Variants in TACR1 observed in about 807,000 individuals in gnomAD.
TACR1 encodes substance-P receptor.
Under a neutral mutation model 35.8 loss-of-function variants are expected in TACR1, and 25 were observed. That is an observed-to-expected ratio of 0.70 (90% CI 0.51 to 0.98). The LOEUF is 0.98. TACR1 is among the 50% of genes least tolerant of loss of function. The probability of loss-of-function intolerance (pLI) is 0.00; values close to 1 mark genes in which losing one functional copy is unlikely to be tolerated. For missense variants in TACR1, 478 were observed against 522.9 expected, an observed-to-expected ratio of 0.91 and a Z score of 0.84; for synonymous variants, 195 against 206.7, an observed-to-expected ratio of 0.94 and a Z score of 0.48.
intron 1 of TACR1, among the ~76,000 whole-genome samples, chr2:75,150,765 G>A (rs1674652001): frequency 6.6e-6 from 1 of 152,220 alleles, no homozygotes; most frequent in Admixed American, 6.5e-5. Context: ...GATTGGAATA[G>A]TTTGGGAGGG....
chr2:75,097,075 C>T (rs1432791698), intron 2 of TACR1, among the ~76,000 whole-genome samples: 1 of 152,208 alleles, frequency 6.6e-6, no homozygotes, highest in Non-Finnish European at 1.5e-5. Context: ...TATTATTTTT[C>T]TCTCCTCTTT....
At chr2:75,159,438 G>C (rs1002120638) in intron 1 of TACR1, among the ~76,000 whole-genome samples, 1 of 152,034 alleles carries the variant, frequency 6.6e-6, no homozygotes, top group South Asian at 2.1e-4. Flanking sequence ...AAAAAACAAA[G>C]AGAAACTAGT....
At chr2:75,173,929 G>C (rs975305476) in intron 1 of TACR1, among the ~76,000 whole-genome samples, 1 of 152,166 alleles carries the variant, frequency 6.6e-6, no homozygotes, top group Non-Finnish European at 1.5e-5. Context: ...CCTTCCCAGA[G>C]GACAGACAGC....
chr2:75,069,978 C>A (rs931104008), intron 2 of TACR1, among the ~76,000 whole-genome samples: 1 of 151,916 alleles, frequency 6.6e-6, no homozygotes, highest in Non-Finnish European at 1.5e-5. Context: ...GATGAGGAGT[C>A]ATGCTCCTCC....
intron 1 of TACR1, among the ~76,000 whole-genome samples, chr2:75,182,270 A>C (rs536018521): frequency 6.6e-6 from 1 of 152,156 alleles, no homozygotes; most frequent in Non-Finnish European, 1.5e-5. Context: ...CATTGCCCCA[A>C]AATTTCTCTC....
At chr2:75,066,103 G>A (rs561288417) in intron 2 of TACR1, among the ~76,000 whole-genome samples, 7 of 152,226 alleles carry the variant, frequency 4.6e-5, no homozygotes, top group East Asian at 3.9e-4. Flanking sequence ...AATAGCTATC[G>A]GCTTAGAAGA....
chr2:75,090,529 C>G (rs1201623160), intron 2 of TACR1, among the ~76,000 whole-genome samples: 1 of 152,184 alleles, frequency 6.6e-6, no homozygotes, highest in Non-Finnish European at 1.5e-5. Flanking sequence ...GATCCCAAGT[C>G]TTTAGACAAA....
At chr2:75,131,184 G>T (rs1485492849) in intron 1 of TACR1, among the ~76,000 whole-genome samples, 2 of 151,980 alleles carry the variant, frequency 1.3e-5, no homozygotes, top group East Asian at 3.9e-4. Context: ...CGCCTCCTGG[G>T]TTCACGTCAT....
chr2:75,126,505 AGACTT>A (rs1674075279), intron 1 of TACR1, among the ~76,000 whole-genome samples: 1 of 152,214 alleles, frequency 6.6e-6, no homozygotes, highest in Non-Finnish European at 1.5e-5. Flanking sequence ...CAAGGAATAA[AGACTT>A]GAATGTGAAA....
intron 1 of TACR1, among the ~76,000 whole-genome samples, chr2:75,158,879 TGTGCAGCTTCCAGCAA>T (rs1674933172): frequency 6.6e-6 from 1 of 152,214 alleles, no homozygotes; most frequent in Non-Finnish European, 1.5e-5. Context: ...ACCAACCAGC[TGTGCAGCTTCCAGCAA>T]GTTATCTCAA....
intron 2 of TACR1, among the ~76,000 whole-genome samples, chr2:75,088,544 ACT>A (rs986083122): frequency 2.0e-5 from 3 of 152,074 alleles, no homozygotes; most frequent in African/African-American, 4.8e-5. Flanking sequence ...AGGGTTAGAG[ACT>A]CAATAAATAT....
intron 2 of TACR1, among the ~76,000 whole-genome samples, chr2:75,114,440 A>G (rs1673811740): frequency 6.6e-6 from 1 of 152,162 alleles, no homozygotes; most frequent in South Asian, 2.1e-4. Flanking sequence ...TCTCTGATGA[A>G]GAAATGTTGG....
intron 1 of TACR1, among the ~76,000 whole-genome samples, chr2:75,197,215 C>G (rs967163666): frequency 6.6e-6 from 1 of 152,114 alleles, no homozygotes. Flanking sequence ...GAGAGATGTA[C>G]AGGGAACTAA....
chr2:75,096,461 A>C (rs917761960), intron 2 of TACR1, among the ~76,000 whole-genome samples: 2 of 152,156 alleles, frequency 1.3e-5, no homozygotes, highest in Admixed American at 6.5e-5. Context: ...GTGATGGATA[A>C]ATTTAATTGT....
chr2:75,061,244 A>G (rs1452441323), intron 2 of TACR1, among the ~76,000 whole-genome samples: 1 of 151,736 alleles, frequency 6.6e-6, no homozygotes, highest in East Asian at 1.9e-4. Context: ...GGGCGGGTAC[A>G]GCCTGCCTCT....
intron 3 of TACR1, among the ~76,000 whole-genome samples, chr2:75,052,954 T>C (rs904083356): frequency 1.3e-5 from 2 of 152,130 alleles, no homozygotes; most frequent in African/African-American, 4.8e-5. Context: ...TCCAATGATA[T>C]CATCTTACAT....
chr2:75,080,070 A>G lies in TACR1; in HGVS notation c.585-26315T>C, dbSNP rs188348994. 4.2e-3 allele frequency among the ~76,000 whole-genome samples: 645 copies of G among 152,342 alleles called. 5 individuals carry two copies. The highest frequency in any genetic ancestry group is 5.2e-3 in the Non-Finnish European group (354 of 68,034). Reference sequence around the variant, plus strand: ...CCAATCTTGCAAAAGGTTATTATATATCTATTACTTATACTTCGAGATAGT... The same window carrying G: ...CCAATCTTGCAAAAGGTTATTATATGTCTATTACTTATACTTCGAGATAGT... On this transcript the variant is annotated intron_variant, in intron 2 of 4. Transcript: ENST00000305249.
At chr2:75,181,600 C>A (rs1181150431) in intron 1 of TACR1, among the ~76,000 whole-genome samples, 3 of 152,134 alleles carry the variant, frequency 2.0e-5, no homozygotes, top group Non-Finnish European at 1.5e-5. Context: ...TCCAATAATG[C>A]TCAGACTATC....
intron 2 of TACR1, among the ~76,000 whole-genome samples, chr2:75,067,694 G>A (rs1484496672): frequency 1.3e-5 from 2 of 152,180 alleles, no homozygotes; most frequent in East Asian, 1.9e-4. Context: ...AAGCAGCGAC[G>A]TGAAGGGTGC....
Sources: allele counts gnomAD v4.1 joint callset (sites outside exome capture counted in the v4.1 genomes callset), GRCh38; gene constraint gnomAD v4.1.1; transcripts MANE v1.5; gene names NCBI Gene and HGNC (gene_info 2026-07-23, HGNC 2026-07-21).